PROX2: variants seen among roughly 807,000 people sequenced by gnomAD.
The protein encoded by PROX2 is prospero homeobox protein 2.
PROX2 carries 46 observed loss-of-function variants against 48.9 expected under a neutral mutation model. That is an observed-to-expected ratio of 0.94 (90% CI 0.74 to 1.20). The LOEUF is 1.20. PROX2 is among the 50% of genes most tolerant of loss of function. The probability of loss-of-function intolerance (pLI) is 0.00; values close to 1 mark genes in which losing one functional copy is unlikely to be tolerated. For synonymous variants in PROX2, 260 were observed against 276.6 expected (o/e 0.94, Z 0.60); for missense variants, 663 against 719.4 (o/e 0.92, Z 0.90).
Position 74,854,492 on chromosome 14 carries a change from T to TCCAGGCTCCTGACTGTCCCTATCAA in PROX2, c.*615_*639dup, listed in dbSNP as rs1373956826. 1 of 215,680 alleles carries TCCAGGCTCCTGACTGTCCCTATCAA rather than the reference T, an allele frequency of 4.6e-6. No individual in the cohort carries two copies. Among genetic ancestry groups the TCCAGGCTCCTGACTGTCCCTATCAA allele is most frequent in the Non-Finnish European group, 9.7e-6 (1 of 103,474 alleles). 13.4% of individuals were successfully genotyped at this position (215,680 alleles called of 1,614,324 possible). ...TTGGGCATCAGAAAGTCTTGGTTCC[T>TCCAGGCTCCTGACTGTCCCTATCAA]CCAGGCTCCTGACTGTCCCTATCAA... On this transcript the variant is annotated 3_prime_UTR_variant, in exon 6 of 6. Coordinates refer to ENST00000556489, the MANE Select transcript of PROX2 (RefSeq NM_001243007.2).
Position 74,853,562 on chromosome 14 carries a change from A to T in PROX2, c.*1570T>A, listed in dbSNP as rs1246690997. On this transcript the variant is annotated 3_prime_UTR_variant, in exon 6 of 6. Transcript: ENST00000556489. ...TGTTTGAAGAGAAAATTCAAAGGAA[A>T]ATTCATCTTTCATACTTTTTATGCT... 6.6e-6 allele frequency: 1 copy of T among 152,190 alleles called. No homozygotes were observed. Among genetic ancestry groups the T allele is most frequent in the Non-Finnish European group, 1.5e-5 (1 of 68,038 alleles). 9.4% of individuals were successfully genotyped at this position (152,190 alleles called of 1,614,324 possible). A position where few individuals can be genotyped will look rare whatever the true frequency, so the allele number is the denominator to read the frequency against.
Position 74,862,764 on chromosome 14 carries a change from G to T in PROX2, c.1071C>A (p.Gly357=). 6.2e-7 allele frequency: 1 copy of T among 1,614,000 alleles called. No individual in the cohort carries two copies. The change falls in exon 3 of 6, where the codon GGC becomes GGA. Residue 357 remains glycine, a synonymous_variant. Coordinates refer to ENST00000556489, the MANE Select transcript of PROX2 (RefSeq NM_001243007.2). ...SQLLGHRYNN[G]HWSSSPPQDS... ...CCTGGGGAGGACTGCTACTCCAATGGCCATTGTTGTATCTATGACCCAGTA... is the reference window on the plus strand; with the variant it reads ...CCTGGGGAGGACTGCTACTCCAATGTCCATTGTTGTATCTATGACCCAGTA...
chr14:74,862,540 GAGAA>G lies in PROX2; in HGVS notation c.1291_1294del (p.Phe431LeufsTer9), dbSNP rs1463146073. The G allele has an allele frequency of 5.6e-6, 9 of 1,612,802 alleles. No homozygotes were observed. Among genetic ancestry groups the G allele is most frequent in the Non-Finnish European group, 7.6e-6 (9 of 1,179,506 alleles). ...GCTATTAAAGGATATGTGGACCAAA[GAGAA>G]AGGCAGTGCCTCCATGACAGCATGC... On this transcript the variant is annotated frameshift_variant, in exon 3 of 6. Transcript: ENST00000556489. LOFTEE classifies it high-confidence loss of function.
At chr14:74,860,398 A>AG (rs952394775) in intron 3 of PROX2, among the ~76,000 whole-genome samples, 21 of 151,942 alleles carry the variant, frequency 1.4e-4, no homozygotes, top group South Asian at 8.3e-4. Flanking sequence ...CATCATTCTT[A>AG]GGGGGGGAAA....
At chr14:74,869,823 T>C (rs903615290) in intron 2 of PROX2, among the ~76,000 whole-genome samples, 1 of 152,194 alleles carries the variant, frequency 6.6e-6, no homozygotes, top group Non-Finnish European at 1.5e-5. Context: ...TGCTCAGTTT[T>C]CATATATTTT....
chr14:74,862,035 G>A (rs1273558115), intron 3 of PROX2, among the ~76,000 whole-genome samples: 5 of 152,144 alleles, frequency 3.3e-5, no homozygotes, highest in African/African-American at 4.8e-5. Flanking sequence ...GGCAGAACCC[G>A]ATGGGTCATA....
intron 1 of PROX2, among the ~76,000 whole-genome samples, chr14:74,874,491 T>C (rs899405643): frequency 1.3e-5 from 2 of 151,816 alleles, no homozygotes; most frequent in Non-Finnish European, 2.9e-5. Flanking sequence ...GACCTCGTAA[T>C]CCACCCACCT....
intron 2 of PROX2, among the ~76,000 whole-genome samples, chr14:74,867,389 C>T (rs937072026): frequency 5.9e-5 from 9 of 152,172 alleles, no homozygotes; most frequent in African/African-American, 1.7e-4. Context: ...TCCCACTTTT[C>T]CACGGACAAA....
chr14:74,861,014 A>G (rs149369881), intron 3 of PROX2, among the ~76,000 whole-genome samples: 1 of 152,298 alleles, frequency 6.6e-6, no homozygotes, highest in Non-Finnish European at 1.5e-5. Flanking sequence ...TGGCAAGTGA[A>G]GTGTTCTCAG....
chr14:74,868,462 A>AT (rs1350326041), intron 2 of PROX2, among the ~76,000 whole-genome samples: 1 of 150,812 alleles, frequency 6.6e-6, no homozygotes, highest in East Asian at 1.9e-4. Context: ...AGCTGATAAT[A>AT]TTCCATTGTA....
At chr14:74,869,531 G>A (rs903480015) in intron 2 of PROX2, among the ~76,000 whole-genome samples, 1 of 152,130 alleles carries the variant, frequency 6.6e-6, no homozygotes, top group African/African-American at 2.4e-5. Context: ...ACCCACCTTG[G>A]CCTCCCAAAG....
rs2140157968 is a variant in PROX2, at chr14:74,853,131, C to T, written c.*2001G>A. 6.6e-6 allele frequency: 1 copy of T among 152,326 alleles called. No homozygotes were observed. Among genetic ancestry groups the T allele is most frequent in the East Asian group, 1.9e-4 (1 of 5,182 alleles). 9.4% of individuals were successfully genotyped at this position (152,326 alleles called of 1,614,324 possible). On this transcript the variant is annotated 3_prime_UTR_variant, in exon 6 of 6. Transcript: ENST00000556489. ...AGTACACAAATGTTTTCAATTTGAGCTTGTACATTTCATCTCATTGGTCCC... is the reference window on the plus strand; with the variant it reads ...AGTACACAAATGTTTTCAATTTGAGTTTGTACATTTCATCTCATTGGTCCC...
rs150924006 is a variant in PROX2, at chr14:74,866,377, C to T, written c.-174-2369G>A. 3.9e-3 allele frequency among the ~76,000 whole-genome samples: 600 copies of T among 152,102 alleles called. 5 individuals carry two copies. The highest frequency in any genetic ancestry group is 0.012 in the African/African-American group (506 of 41,476). On this transcript the variant is annotated intron_variant, in intron 2 of 5. Coordinates refer to ENST00000556489, the MANE Select transcript of PROX2 (RefSeq NM_001243007.2). ...GTCAGCATGTGGCTGGATGAGGTCA[C>T]GAAGGGAGTAAATGTAGACAGAGAA...
intron 3 of PROX2, among the ~76,000 whole-genome samples, chr14:74,860,036 G>C (rs923096838): frequency 6.6e-5 from 10 of 152,210 alleles, no homozygotes; most frequent in Non-Finnish European, 1.5e-4. Flanking sequence ...TTTAAATCCT[G>C]GTTGCTCATT....
intron 2 of PROX2, 70 bp downstream of exon 2, chr14:74,871,033 C>T (rs1244556034): frequency 6.6e-6 from 1 of 152,068 alleles, no homozygotes; most frequent in Non-Finnish European, 1.5e-5. Flanking sequence ...CAGAGCGAGA[C>T]TCCATCTCAA....
chr14:74,854,361 G>T lies in PROX2; in HGVS notation c.*771C>A. The T allele has an allele frequency of 2.9e-6, 1 of 346,860 alleles. No homozygotes were observed. Among genetic ancestry groups the T allele is most frequent in the Non-Finnish European group, 5.9e-6 (1 of 170,826 alleles). The allele number at this position is 346,860 out of a possible 1,614,324, so 21.5% of individuals were successfully genotyped here. ...GCGGTGAAGTGCTCCTAAGTGCTGGGCAGGAGTTGTCAGGTGACGGTGCCC... is the reference window on the plus strand; with the variant it reads ...GCGGTGAAGTGCTCCTAAGTGCTGGTCAGGAGTTGTCAGGTGACGGTGCCC... On this transcript the variant is annotated 3_prime_UTR_variant, in exon 6 of 6. Transcript: ENST00000556489.
At chr14:74,867,672 A>G (rs4899537) in intron 2 of PROX2, among the ~76,000 whole-genome samples, 4,241 of 152,324 alleles carry the variant, frequency 0.028, 136 homozygotes, top group African/African-American at 0.073. Context: ...CAATGCAGAC[A>G]GAAAGACAGA....
intron 3 of PROX2, chr14:74,861,233 T>A: frequency 8.9e-6 from 12 of 1,352,790 alleles, no homozygotes; most frequent in Non-Finnish European, 1.2e-5. Context: ...CTCCATAGAC[T>A]CATCAGCTTC....
Position 74,862,913 on chromosome 14 carries a change from G to A in PROX2, c.922C>T (p.Arg308Cys), listed in dbSNP as rs764650927. 24 of 1,613,914 alleles carry A rather than the reference G, an allele frequency of 1.5e-5. No individual in the cohort carries two copies. The highest frequency in any genetic ancestry group is 4.4e-5 in the South Asian group (4 of 91,080). The change falls in exon 3 of 6, where the codon CGT (arginine) becomes TGT (cysteine). Residue 308 changes from arginine (R) to cysteine (C), a missense_variant. Transcript: ENST00000556489. ...ATAGGGTACCTAGGAGAATCTAGAC[G>A]CTTGGCCAGTGATAAATTTCCTACT... ...VPVGNLSLAK[R>C]LDSPRYPIPP...
Sources: allele counts gnomAD v4.1 joint callset (sites outside exome capture counted in the v4.1 genomes callset), GRCh38; gene constraint gnomAD v4.1.1; transcripts MANE v1.5; gene names NCBI Gene and HGNC (gene_info 2026-07-23, HGNC 2026-07-21).